Variants in ITFG1 observed in about 807,000 individuals in gnomAD.
The protein encoded by ITFG1 is T-cell immunomodulatory protein.
Under a neutral mutation model 81.8 loss-of-function variants are expected in ITFG1, and 34 were observed. The observed-to-expected ratio is 0.42, with a 90% CI of 0.32 to 0.55. The LOEUF is 0.55. Among genes scored for constraint, ITFG1 ranks in the 20% least tolerant of loss-of-function variants. ITFG1 has a pLI of 0.17. For synonymous variants in ITFG1, 285 were observed against 270.6 expected (o/e 1.05, Z -0.52); for missense variants, 672 against 755.4 (o/e 0.89, Z 1.29).
intron 10 of ITFG1, among the ~76,000 whole-genome samples, chr16:47,263,801 A>G (rs1596845696): frequency 6.6e-6 from 1 of 152,178 alleles, no homozygotes; most frequent in East Asian, 1.9e-4. Context: ...TTAATTTTTG[A>G]TATCAGTTGG....
intron 14 of ITFG1, among the ~76,000 whole-genome samples, chr16:47,170,767 A>C (rs1964948988): frequency 9.0e-6 from 1 of 111,552 alleles, no homozygotes; most frequent in Non-Finnish European, 1.7e-5. Context: ...ATGGAGACTC[A>C]CTCTGTCACC....
intron 9 of ITFG1, among the ~76,000 whole-genome samples, 158 bp downstream of exon 9, chr16:47,313,571 T>C (rs1967301731): frequency 1.3e-5 from 2 of 152,188 alleles, no homozygotes; most frequent in African/African-American, 4.8e-5. Flanking sequence ...TAAAAAATAA[T>C]ATATTTAAAT....
chr16:47,220,228 G>A (rs1040308379), intron 13 of ITFG1, among the ~76,000 whole-genome samples: 82 of 152,320 alleles, frequency 5.4e-4, no homozygotes, highest in African/African-American at 1.8e-3. Context: ...CTCAAAGAGT[G>A]TTACAAGAAA....
chr16:47,166,774 A>AT (rs375130489), intron 14 of ITFG1, among the ~76,000 whole-genome samples: 1 of 152,114 alleles, frequency 6.6e-6, no homozygotes, highest in Non-Finnish European at 1.5e-5. Context: ...TTTGCACCCA[A>AT]ATTAGTTTGC....
chr16:47,352,491 A>C (rs1027461540), intron 8 of ITFG1, among the ~76,000 whole-genome samples: 2 of 152,220 alleles, frequency 1.3e-5, no homozygotes, highest in African/African-American at 4.8e-5. Context: ...GAGAAATGCA[A>C]ATCAAAACCA....
chr16:47,258,417 A>C (rs1966163642), intron 12 of ITFG1, among the ~76,000 whole-genome samples: 1 of 152,210 alleles, frequency 6.6e-6, no homozygotes, highest in African/African-American at 2.4e-5. Flanking sequence ...AATGCAATAG[A>C]TATTTCTGGA....
At chr16:47,380,255 C>CT (rs1011920789) in intron 6 of ITFG1, among the ~76,000 whole-genome samples, 1 of 152,126 alleles carries the variant, frequency 6.6e-6, no homozygotes, top group Non-Finnish European at 1.5e-5. Flanking sequence ...AGCAGAAACT[C>CT]TGAGTCCTCA....
intron 10 of ITFG1, among the ~76,000 whole-genome samples, chr16:47,282,251 A>G (rs1966458592): frequency 6.6e-6 from 1 of 151,874 alleles, no homozygotes; most frequent in Non-Finnish European, 1.5e-5. Context: ...CTCATCCCTT[A>G]CACCCCCTCA....
At chr16:47,162,711 T>A in intron 14 of ITFG1, 47 bp from the exon 15 acceptor site, 1 of 1,494,254 alleles carries the variant, frequency 6.7e-7, no homozygotes, top group Non-Finnish European at 9.0e-7. Context: ...TCTGGAAACA[T>A]TGCTCCCATC....
intron 8 of ITFG1, among the ~76,000 whole-genome samples, chr16:47,325,460 A>G (rs1967521578): frequency 6.6e-6 from 1 of 152,222 alleles, no homozygotes; most frequent in Non-Finnish European, 1.5e-5. Flanking sequence ...AGAAGGCAAG[A>G]AATAACTAAG....
intron 8 of ITFG1, among the ~76,000 whole-genome samples, chr16:47,325,079 G>C (rs1225325894): frequency 6.6e-6 from 1 of 152,120 alleles, no homozygotes; most frequent in South Asian, 2.1e-4. Flanking sequence ...CCACATAGTT[G>C]GAAGTAAAGC....
intron 6 of ITFG1, among the ~76,000 whole-genome samples, chr16:47,425,190 T>C (rs903407349): frequency 6.6e-6 from 1 of 152,142 alleles, no homozygotes; most frequent in Non-Finnish European, 1.5e-5. Context: ...GCATCGCAGG[T>C]TGATCTCAGA....
intron 6 of ITFG1, among the ~76,000 whole-genome samples, chr16:47,398,725 T>C (rs554274742): frequency 6.6e-6 from 1 of 152,374 alleles, no homozygotes; most frequent in East Asian, 1.9e-4. Context: ...TGGCAGGTTT[T>C]CTGTTCAGAA....
chr16:47,266,428 G>A (rs370548869), intron 10 of ITFG1, among the ~76,000 whole-genome samples: 10 of 152,256 alleles, frequency 6.6e-5, no homozygotes, highest in Admixed American at 3.9e-4. Context: ...ATGTTGGCCC[G>A]GCTGGTCTTG....
chr16:47,270,780 T>C lies in ITFG1; in HGVS notation c.1071-10085A>G, dbSNP rs181857089. The stretch of plus-strand genomic sequence containing the variant: ...CCATGGATAAATCTCAATATTATTA[T>C]GCAGCGTAAGAAAACCCAGACATAA... On this transcript the variant is annotated intron_variant, in intron 10 of 17. Coordinates refer to ENST00000320640, the MANE Select transcript of ITFG1 (RefSeq NM_030790.5). Among the ~76,000 whole-genome samples, 8 of 152,354 alleles carry C rather than the reference T, an allele frequency of 5.3e-5. No individual in the cohort carries two copies. In the South Asian group the frequency reaches 1.4e-3, roughly 28 times the overall value.
chr16:47,314,272 G>T (rs1967316708), intron 8 of ITFG1, among the ~76,000 whole-genome samples: 1 of 152,114 alleles, frequency 6.6e-6, no homozygotes, highest in South Asian at 2.1e-4. Flanking sequence ...TAAAAATGTA[G>T]CTTTGACTTA....
chr16:47,346,618 A>G (rs1967858748), intron 8 of ITFG1, among the ~76,000 whole-genome samples: 1 of 152,218 alleles, frequency 6.6e-6, no homozygotes. Flanking sequence ...AAGGAACATA[A>G]GAGATTATTA....
chr16:47,266,065 T>A (rs540190373), intron 10 of ITFG1, among the ~76,000 whole-genome samples: 1 of 152,246 alleles, frequency 6.6e-6, no homozygotes, highest in South Asian at 2.1e-4. Context: ...TGAACAGACA[T>A]TTTTTCAAGG....
chr16:47,454,921 T>A (rs1969433309), intron 2 of ITFG1, among the ~76,000 whole-genome samples: 1 of 152,242 alleles, frequency 6.6e-6, no homozygotes, highest in South Asian at 2.1e-4. Flanking sequence ...AAATTTCCAA[T>A]TAGACTATAG....
Sources: gnomAD v4.1 joint callset for allele counts (sites outside exome capture counted in the v4.1 genomes callset) on GRCh38, gnomAD v4.1.1 for gene constraint, MANE v1.5 for transcripts, NCBI Gene and HGNC (gene_info 2026-07-23, HGNC 2026-07-21) for gene names.